The following EFR3A variants were observed in gnomAD, a reference collection of about 807,000 sequenced individuals.
The protein encoded by EFR3A is EFR3 homolog A.
EFR3A carries 76 observed loss-of-function variants against 104.4 expected under a neutral mutation model. That is an observed-to-expected ratio of 0.73 (90% CI 0.60 to 0.88). The LOEUF (loss-of-function observed/expected upper bound fraction) is 0.88. Ranked by LOEUF, EFR3A falls within the 40% of genes least tolerant of loss-of-function variation. The pLI is 0.00. For missense variants in EFR3A, 985 were observed against 1,012.5 expected, an observed-to-expected ratio of 0.97 and a Z score of 0.37; for synonymous variants, 330 against 330.0, an observed-to-expected ratio of 1.00 and a Z score of 0.00.
At chr8:131,988,608 A>C (rs1821016276) in intron 18 of EFR3A, among the ~76,000 whole-genome samples, 1 of 152,110 alleles carries the variant, frequency 6.6e-6, no homozygotes, top group Non-Finnish European at 1.5e-5. Flanking sequence ...AAAAGTGCTA[A>C]GAACAAAAGA....
intron 6 of EFR3A, 107 bp downstream of exon 6, chr8:131,954,074 T>TCA (rs1215808612): frequency 8.8e-7 from 1 of 1,135,870 alleles, no homozygotes; most frequent in African/African-American, 1.6e-5. Flanking sequence ...AACAGTAGTC[T>TCA]CGTAAAGTTA....
intron 1 of EFR3A, among the ~76,000 whole-genome samples, chr8:131,905,538 A>G (rs769883262): frequency 6.6e-6 from 1 of 152,180 alleles, no homozygotes; most frequent in African/African-American, 2.4e-5. Flanking sequence ...CTCCTCATAC[A>G]TGTGTGGGTA....
intron 8 of EFR3A, among the ~76,000 whole-genome samples, chr8:131,963,747 A>G (rs1400322301): frequency 6.6e-6 from 1 of 152,214 alleles, no homozygotes; most frequent in Non-Finnish European, 1.5e-5. Context: ...CTGATACCAA[A>G]GCCTGGCAGA....
At chr8:131,924,049 G>A in intron 1 of EFR3A, 1 of 370,852 alleles carries the variant, frequency 2.7e-6, no homozygotes, top group Non-Finnish European at 5.4e-6. Context: ...TACTGTAATT[G>A]CTGTATCTTG....
chr8:131,963,104 A>G (rs1006185359), intron 8 of EFR3A, among the ~76,000 whole-genome samples: 1 of 152,224 alleles, frequency 6.6e-6, no homozygotes, highest in Non-Finnish European at 1.5e-5. Flanking sequence ...CTAAATGCCC[A>G]CAAGAGAAAG....
intron 22 of EFR3A, among the ~76,000 whole-genome samples, chr8:132,006,637 A>G (rs1258429208): frequency 6.6e-6 from 1 of 152,094 alleles, no homozygotes; most frequent in African/African-American, 2.4e-5. Context: ...ATATTCAGGA[A>G]ACAAAGGAGG....
chr8:131,926,812 T>G (rs951090710), intron 1 of EFR3A, among the ~76,000 whole-genome samples: 3 of 152,134 alleles, frequency 2.0e-5, no homozygotes, highest in Non-Finnish European at 4.4e-5. Flanking sequence ...GTTTAAACTT[T>G]CTATGTACTT....
intron 2 of EFR3A, 55 bp from the exon 3 acceptor site, chr8:131,944,671 TAAAGCAGGCAACACTTAAA>T: frequency 1.4e-6 from 2 of 1,404,232 alleles, no homozygotes; most frequent in African/African-American, 2.9e-5. Context: ...AGGGAAATTG[TAAAGCAGGCAACACTTAAA>T]AATATAATAA....
rs550572972 is a variant in EFR3A at position 132,013,312 on chromosome 8, G to A, written c.*2417G>A. On this transcript the variant is annotated 3_prime_UTR_variant, in exon 23 of 23. Coordinates refer to ENST00000254624, the MANE Select transcript of EFR3A (RefSeq NM_015137.6). Reference sequence around the variant, plus strand: ...CGCTTATAGAGTTTTATTGTTATTGGTGTTTACCTGAATACCTATGCGTAC... The same window carrying A: ...CGCTTATAGAGTTTTATTGTTATTGATGTTTACCTGAATACCTATGCGTAC... The A allele has an allele frequency of 6.6e-6, 1 of 152,330 alleles. No individual in the cohort carries two copies. Among genetic ancestry groups the A allele is most frequent in the Non-Finnish European group, 1.5e-5 (1 of 67,978 alleles). The allele number at this position is 152,330 out of a possible 1,614,324, so 9.4% of individuals were successfully genotyped here. A position where few individuals can be genotyped will look rare whatever the true frequency, so the allele number is the denominator to read the frequency against.
intron 1 of EFR3A, among the ~76,000 whole-genome samples, chr8:131,917,782 T>C (rs574319177): frequency 6.6e-6 from 1 of 152,336 alleles, no homozygotes; most frequent in African/African-American, 2.4e-5. Flanking sequence ...TTTGTTTTTT[T>C]TCCATGCGTC....
At chr8:131,924,313 C>CACCAAGTAATTTTTTT in intron 1 of EFR3A, 3 of 248,690 alleles carry the variant, frequency 1.2e-5, no homozygotes, top group Non-Finnish European at 1.7e-5. Flanking sequence ...TTAATTTTTT[C>CACCAAGTAATTTTTTT]ACCAAGTAAT....
intron 1 of EFR3A, among the ~76,000 whole-genome samples, chr8:131,936,356 G>T (rs1404667419): frequency 2.0e-5 from 3 of 152,108 alleles, no homozygotes; most frequent in African/African-American, 7.2e-5. Flanking sequence ...TTTTCCCCAA[G>T]CACCGAGCTA....
Position 132,012,148 on chromosome 8 carries a change from T to C in EFR3A, c.*1253T>C, listed in dbSNP as rs1822375007. 2 of 152,330 alleles carry C rather than the reference T, an allele frequency of 1.3e-5. No homozygotes were observed. The highest frequency in any genetic ancestry group is 1.9e-4 in the East Asian group (1 of 5,186). The allele number at this position is 152,330 out of a possible 1,614,324, so 9.4% of individuals were successfully genotyped here. Reference sequence around the variant, plus strand: ...GTCACCTGTTTATAGTTCTATCTTTTCAGATTCCATTTCTTTTTACATAAA... The same window carrying C: ...GTCACCTGTTTATAGTTCTATCTTTCCAGATTCCATTTCTTTTTACATAAA... On this transcript the variant is annotated 3_prime_UTR_variant, in exon 23 of 23. Coordinates refer to ENST00000254624, the MANE Select transcript of EFR3A (RefSeq NM_015137.6).
rs534409263 is a variant in EFR3A, at chr8:131,962,788, A to G, written c.855+3125A>G. Among the ~76,000 whole-genome samples the G allele has an allele frequency of 7.2e-5, 11 of 152,290 alleles. No individual in the cohort carries two copies. In the South Asian group the frequency reaches 1.2e-3, roughly 17 times the overall value. On this transcript the variant is annotated intron_variant, in intron 8 of 22. Coordinates refer to ENST00000254624, the MANE Select transcript of EFR3A (RefSeq NM_015137.6). ...TACATTCTTCTCAGCACCACACCAC[A>G]CTTATTCCAAAATTGACCACATAGT... is the stretch of plus-strand genomic sequence containing the variant.
chr8:131,981,397 T>G (rs942977888), intron 14 of EFR3A, among the ~76,000 whole-genome samples: 10 of 152,114 alleles, frequency 6.6e-5, no homozygotes, highest in Non-Finnish European at 1.3e-4. Flanking sequence ...TAAAGTAACT[T>G]TCCTTGCTAA....
chr8:131,959,141 G>A (rs1819176101), intron 7 of EFR3A, among the ~76,000 whole-genome samples: 1 of 152,138 alleles, frequency 6.6e-6, no homozygotes, highest in African/African-American at 2.4e-5. Context: ...TTTCGATATG[G>A]AAGGACAATT....
At position 131,953,875 on chromosome 8, in the gene EFR3A, T is replaced by G; in HGVS notation, c.546T>G (p.Asp182Glu). The G allele has an allele frequency of 3.2e-6, 5 of 1,577,116 alleles. No homozygotes were observed. The highest frequency in any genetic ancestry group is 4.3e-6 in the Non-Finnish European group (5 of 1,159,426). The change falls in exon 6 of 23, where the codon GAT (aspartate) becomes GAG (glutamate). Residue 182 changes from aspartate to glutamate, a missense_variant. Transcript: ENST00000254624. ...GTGTGGTTCGCAAAACAGTCAACGATGAACTTCGGGCCACCATTTGGGAAC... is the reference window on the plus strand; with the variant it reads ...GTGTGGTTCGCAAAACAGTCAACGAGGAACTTCGGGCCACCATTTGGGAAC... The part of the protein sequence containing the change: ...IQGVVRKTVN[D>E]ELRATIWEPQ...
intron 8 of EFR3A, 123 bp from the exon 9 acceptor site, chr8:131,968,172 C>T: frequency 1.2e-6 from 1 of 840,506 alleles, no homozygotes; most frequent in South Asian, 2.1e-5. Context: ...TATTTATTGT[C>T]TCATAACATG....
At chr8:131,910,406 G>T (rs1816460992) in intron 1 of EFR3A, among the ~76,000 whole-genome samples, 1 of 152,156 alleles carries the variant, frequency 6.6e-6, no homozygotes, top group Admixed American at 6.5e-5. Context: ...CGAGTAGCTG[G>T]GACTACAGGT....
Sources: allele counts gnomAD v4.1 joint callset (sites outside exome capture counted in the v4.1 genomes callset), GRCh38; gene constraint gnomAD v4.1.1; transcripts MANE v1.5; gene names NCBI Gene and HGNC (gene_info 2026-07-23, HGNC 2026-07-21).